PKN3: variants seen among roughly 807,000 people sequenced by gnomAD.
PKN3 encodes serine/threonine-protein kinase N3.
In PKN3, 91 loss-of-function variants were observed where a neutral mutation model predicts 113.1. The observed-to-expected ratio is 0.80, with a 90% confidence interval of 0.68 to 0.96. PKN3 has a LOEUF of 0.96. Among genes scored for constraint, PKN3 ranks in the 40% least tolerant of loss-of-function variants. The pLI, the probability that PKN3 is intolerant of heterozygous loss-of-function variation, is 0.00. For synonymous variants in PKN3, 467 were observed against 499.0 expected (o/e 0.94, Z 0.85); for missense variants, 1,052 against 1,202.2 (o/e 0.88, Z 1.85).
chr9:128,713,999 A>G (rs770794807), intron 9 of PKN3, 47 bp from the exon 10 acceptor site: 2 of 1,593,750 alleles, frequency 1.3e-6, no homozygotes, highest in East Asian at 2.2e-5. Context: ...GCCATGGCAG[A>G]TGAGATGGGA....
At chr9:128,703,168 G>A (rs1861905364) in intron 1 of PKN3, among the ~76,000 whole-genome samples, 1 of 152,176 alleles carries the variant, frequency 6.6e-6, no homozygotes, top group Non-Finnish European at 1.5e-5. Context: ...CGGCTGACCC[G>A]GAGACTGAAC....
At chr9:128,712,094 G>A (rs1316109827) in intron 6 of PKN3, among the ~76,000 whole-genome samples, 1 of 152,102 alleles carries the variant, frequency 6.6e-6, no homozygotes, top group Non-Finnish European at 1.5e-5. Context: ...ATTTTTAGTT[G>A]GGATGGGGTT....
At position 128,719,806 on chromosome 9, in the gene PKN3, T is replaced by C. The variant is rs1862470263; in HGVS notation, c.2246T>C (p.Leu749Pro). 2 of 1,607,450 alleles carry C rather than the reference T, an allele frequency of 1.2e-6. No individual in the cohort carries two copies. The highest frequency in any genetic ancestry group is 1.3e-5 in the African/African-American group (1 of 74,526). ...GACTGGTGGGGGCTGGGTGTGCTGC[T>C]CTACGAGATGCTGGTGGGTGAGGTG... ...AVDWWGLGVL[L>P]YEMLVGECPF... is the part of the protein sequence containing the mutation. The change falls in exon 19 of 22, where the codon CTC becomes CCC. Residue 749 changes from leucine (L) to proline (P), a missense_variant. Coordinates refer to ENST00000291906, the MANE Select transcript of PKN3 (RefSeq NM_013355.5).
In PKN3 at chr9:128,705,465, C is replaced by T. The variant is rs200996917; in HGVS notation, c.187C>T (p.Arg63Cys). 249 of 1,571,170 alleles carry T rather than the reference C, an allele frequency of 1.6e-4. No individual in the cohort carries two copies. Among genetic ancestry groups the T allele is most frequent in the Non-Finnish European group, 2.0e-4 (234 of 1,159,078 alleles). ...GCAGCTGCTGCGGTCCTCCAACCGC[C>T]GCCTGGAGCAGCTGCATGGCGAGCT... ...VQQLLRSSNR[R>C]LEQLHGELRE... Residue 63 changes from arginine to cysteine, a missense_variant, in exon 2 of 22, where the codon CGC becomes TGC. By Grantham distance (180) the Arg-to-Cys change is radical. Around this residue, in one of 2 missense-constraint regions of PKN3, gnomAD observed 719 missense variants for 759.4 expected, o/e 0.95. Coordinates refer to ENST00000291906, the MANE Select transcript of PKN3 (RefSeq NM_013355.5).
rs539697881 is a variant in PKN3 at position 128,713,645 on chromosome 9, G to T, written c.1236+3G>T. Reference sequence around the variant, plus strand: ...CGCAGGGACTGCTTTTTGCCCAGGTGCTCACCACCTCCGCCCTCTGACTTG... The same window carrying T: ...CGCAGGGACTGCTTTTTGCCCAGGTTCTCACCACCTCCGCCCTCTGACTTG... On this transcript the variant is annotated splice_donor_region_variant and intron_variant, in intron 9 of 21. Transcript: ENST00000291906. 2.5e-6 allele frequency: 4 copies of T among 1,613,428 alleles called. No individual in the cohort carries two copies. Among genetic ancestry groups the T allele is most frequent in the Middle Eastern group, 1.7e-4 (1 of 6,060 alleles).
chr9:128,714,287 C>G lies in PKN3; in HGVS notation c.1403C>G (p.Pro468Arg). 2 of 1,613,638 alleles carry G rather than the reference C, an allele frequency of 1.2e-6. No individual in the cohort carries two copies. The highest frequency in any genetic ancestry group is 1.7e-6 in the Non-Finnish European group (2 of 1,179,772). The part of the protein sequence containing the change: ...VMNLLPPCSS[P>R]STISPPKGCP... Reference sequence around the variant, plus strand: ...AACCTGCTGCCCCCCTGCAGCTCCCCGAGCACAATCAGCCCCCCTAAAGGA... The same window carrying G: ...AACCTGCTGCCCCCCTGCAGCTCCCGGAGCACAATCAGCCCCCCTAAAGGA... Residue 468 changes from proline (P) to arginine (R), a missense_variant, in exon 11 of 22, where the codon CCG (proline) becomes CGG (arginine). Around this residue, in one of 2 missense-constraint regions of PKN3, gnomAD observed 719 missense variants for 759.4 expected, o/e 0.95. Coordinates refer to ENST00000291906, the MANE Select transcript of PKN3 (RefSeq NM_013355.5).
chr9:128,703,787 G>T (rs1861924591), intron 1 of PKN3: 1 of 985,322 alleles, frequency 1.0e-6, no homozygotes, highest in Non-Finnish European at 1.2e-6. Context: ...TCAGGGCTGG[G>T]GCTCGGTCTG....
intron 1 of PKN3, 28 bp from the exon 2 acceptor site, chr9:128,705,275 C>T: frequency 6.5e-7 from 1 of 1,548,774 alleles, no homozygotes; most frequent in Non-Finnish European, 8.7e-7. Flanking sequence ...GGCTGTTCTC[C>T]ACCCTCTGCT....
Position 128,705,770 on chromosome 9 carries a change from A to G in PKN3, c.302A>G (p.Gln101Arg). ...TCAGGACCCCGGCCGTGGGCAGAGCAGCTCAGGGCTCGGCACCTAGAGGCT... is the reference window on the plus strand; with the variant it reads ...TCAGGACCCCGGCCGTGGGCAGAGCGGCTCAGGGCTCGGCACCTAGAGGCT... ...VASGPRPWAE[Q>R]LRARHLEALR... is the part of the protein sequence containing the mutation. The change falls in exon 3 of 22, where the codon CAG becomes CGG. Residue 101 changes from glutamine to arginine, a missense_variant. Gln to Arg is a conservative substitution (Grantham distance 43). Around this residue, in one of 2 missense-constraint regions of PKN3, gnomAD observed 719 missense variants for 759.4 expected, o/e 0.95. Transcript: ENST00000291906. 1 of 1,608,612 alleles carries G rather than the reference A, an allele frequency of 6.2e-7. No homozygotes were observed.
At chr9:128,709,129 C>A (rs1321448234) in intron 6 of PKN3, among the ~76,000 whole-genome samples, 1 of 149,700 alleles carries the variant, frequency 6.7e-6, no homozygotes, top group Non-Finnish European at 1.5e-5. Context: ...ACTAAAAATA[C>A]AAAAAATTAA....
chr9:128,710,899 A>T (rs1564372835), intron 6 of PKN3, among the ~76,000 whole-genome samples: 1 of 152,196 alleles, frequency 6.6e-6, no homozygotes, highest in Non-Finnish European at 1.5e-5. Context: ...ACAGCTTGTT[A>T]AAAGGCCTAG....
chr9:128,706,829 G>T lies in PKN3; in HGVS notation c.523+5G>T. 1 of 1,612,002 alleles carries T rather than the reference G, an allele frequency of 6.2e-7. No individual in the cohort carries two copies. The highest frequency in any genetic ancestry group is 8.5e-7 in the Non-Finnish European group (1 of 1,178,570). On this transcript the variant is annotated splice_donor_5th_base_variant and intron_variant, in intron 4 of 21. Coordinates refer to ENST00000291906, the MANE Select transcript of PKN3 (RefSeq NM_013355.5). ...CCAGTGGGTCCCCGGAGCCAGGTGA[G>T]GCCTTGAGACACAGGGAGGGCGGAG...
chr9:128,705,349 G>C lies in PKN3; in HGVS notation c.71G>C (p.Arg24Pro), dbSNP rs1220318953. 1 of 1,581,302 alleles carries C rather than the reference G, an allele frequency of 6.3e-7. No homozygotes were observed. Among genetic ancestry groups the C allele is most frequent in the African/African-American group, 1.3e-5 (1 of 74,094 alleles). ...CCAGAGGATGAGAAGGAGGTGATCC[G>C]CCGGGCCATCCAGAAAGAGCTGAAG... ...WPPEDEKEVIRRAIQKELKIK... is the reference protein window; with the variant it reads ...WPPEDEKEVIPRAIQKELKIK... The change falls in exon 2 of 22, where the codon CGC becomes CCC. Residue 24 changes from arginine (R) to proline (P), a missense_variant. Around this residue, in one of 2 missense-constraint regions of PKN3, gnomAD observed 719 missense variants for 759.4 expected, o/e 0.95. Transcript: ENST00000291906.
intron 16 of PKN3, among the ~76,000 whole-genome samples, chr9:128,717,423 T>C (rs1272249850): frequency 1.3e-5 from 2 of 151,418 alleles, no homozygotes; most frequent in Non-Finnish European, 2.9e-5. Flanking sequence ...CCACCACACC[T>C]GGTGAGTCTC....
rs748058657 is a variant in PKN3, at chr9:128,705,771, G to C, written c.303G>C (p.Gln101His). ...VASGPRPWAE[Q>H]LRARHLEALR... ...CAGGACCCCGGCCGTGGGCAGAGCA[G>C]CTCAGGGCTCGGCACCTAGAGGCTC... The change falls in exon 3 of 22, where the codon CAG becomes CAC. Residue 101 changes from glutamine (Q) to histidine (H), a missense_variant. Gln to His is a conservative substitution (Grantham distance 24). Transcript: ENST00000291906. The C allele has an allele frequency of 6.2e-7, 1 of 1,608,412 alleles. No homozygotes were observed. Among genetic ancestry groups the C allele is most frequent in the Non-Finnish European group, 8.5e-7 (1 of 1,177,606 alleles).
intron 16 of PKN3, among the ~76,000 whole-genome samples, 194 bp downstream of exon 16, chr9:128,717,117 C>CTTTTGTTTTTTTTTTTTTTTTTTTTT (rs1862363366): frequency 4.1e-5 from 1 of 24,362 alleles, no homozygotes; most frequent in Non-Finnish European, 8.1e-5. Flanking sequence ...CATTAGGTTT[C>CTTTTGTTTTTTTTTTTTTTTTTTTTT]TTTTTTTTTT....
rs3750325 is a variant in PKN3, at chr9:128,720,188, T to C, written c.2377-15T>C. The C allele has an allele frequency of 0.94, 1,508,558 of 1,611,562 alleles. 712,093 individuals are homozygous for C. The highest frequency in any genetic ancestry group is 0.96 in the Non-Finnish European group (1,133,321 of 1,178,832). On this transcript the variant is annotated splice_polypyrimidine_tract_variant and intron_variant, in intron 20 of 21. Transcript: ENST00000291906. The surrounding 1 kb of genome is among the most constrained non-coding windows in gnomAD (Gnocchi z 5.5). ...GGGCTGAATGCCCTAAGTGAGCGCC[T>C]GTCCTATTGCCCAGCTCCTCCAGAA...
chr9:128,717,044 G>T (rs896442434), intron 16 of PKN3, 121 bp downstream of exon 16: 8 of 695,052 alleles, frequency 1.2e-5, no homozygotes, highest in Non-Finnish European at 1.5e-5. Context: ...CAGAGGCCTT[G>T]GTTTACATCC....
Position 128,719,833 on chromosome 9 carries a change from G to A in PKN3, c.2268+5G>A. The stretch of plus-strand genomic sequence containing the variant: ...TACGAGATGCTGGTGGGTGAGGTGA[G>A]TGCTGGAGCCTGTTTCCTGGGCCTC... On this transcript the variant is annotated splice_donor_5th_base_variant and intron_variant, in intron 19 of 21. Coordinates refer to ENST00000291906, the MANE Select transcript of PKN3 (RefSeq NM_013355.5). 1 of 1,608,998 alleles carries A rather than the reference G, an allele frequency of 6.2e-7. No individual in the cohort carries two copies. The highest frequency in any genetic ancestry group is 8.5e-7 in the Non-Finnish European group (1 of 1,176,780).
Sources: allele counts gnomAD v4.1 joint callset (sites outside exome capture counted in the v4.1 genomes callset), GRCh38; gene constraint gnomAD v4.1.1; regional missense constraint gnomAD v4.1.1; non-coding constraint Gnocchi (gnomAD v3.1); transcripts MANE v1.5; gene names NCBI Gene and HGNC (gene_info 2026-07-23, HGNC 2026-07-21).